Variants in SIGLEC8 observed in about 807,000 individuals in gnomAD.
The protein encoded by SIGLEC8 is sialic acid-binding Ig-like lectin 8.
In SIGLEC8, 32 loss-of-function variants were observed where a neutral mutation model predicts 42.1. That is an observed-to-expected ratio of 0.76 (90% CI 0.57 to 1.02). SIGLEC8 has a LOEUF of 1.02. SIGLEC8 is among the 50% of genes least tolerant of loss of function. The pLI is 0.00. For missense variants in SIGLEC8, 611 were observed against 610.2 expected (o/e 1.00, Z -0.01); for synonymous variants, 262 against 260.3 (o/e 1.01, Z -0.06).
Position 51,454,220 on chromosome 19 carries a change from TG to T in SIGLEC8, c.1243del (p.Gln415ArgfsTer4). 1 of 1,614,094 alleles carries T rather than the reference TG, an allele frequency of 6.2e-7. No homozygotes were observed. Among genetic ancestry groups the T allele is most frequent in the Non-Finnish European group, 8.5e-7 (1 of 1,179,958 alleles). ...TGTGGAGAAGCCCACATCACTCACC[TG>T]AGAGGCCGAGCCCCTGATGGCCTTT... is the stretch of plus-strand genomic sequence containing the variant. ...DAKAIRGSASQGPLTESWKDG... is the reference protein window; with the variant it reads ...DAKAIRGSASXGPLTESWKDG... On this transcript the variant is annotated frameshift_variant and splice_region_variant, in exon 6 of 7. Coordinates refer to ENST00000321424, the MANE Select transcript of SIGLEC8 (RefSeq NM_014442.3). LOFTEE classifies it low-confidence loss of function (END_TRUNC). The surrounding 1 kb of genome is among the most constrained non-coding windows in gnomAD (Gnocchi z 4.7).
Position 51,457,705 on chromosome 19 carries a change from C to T in SIGLEC8, c.489G>A (p.Gly163=). The part of the protein sequence containing the change: ...LTHRPDILIL[G]TLESGHSRNL... The stretch of plus-strand genomic sequence containing the variant: ...TCCTGGAGTGGCCAGACTCTAGGGT[C>T]CCTAGGATGAGGATGTCAGGCCTAT... Residue 163 remains glycine (G), a synonymous_variant, in exon 2 of 7, where the codon GGG becomes GGA. Coordinates refer to ENST00000321424, the MANE Select transcript of SIGLEC8 (RefSeq NM_014442.3). 6.3e-7 allele frequency: 1 copy of T among 1,596,076 alleles called. No individual in the cohort carries two copies. The highest frequency in any genetic ancestry group is 8.5e-7 in the Non-Finnish European group (1 of 1,172,160).
intron 3 of SIGLEC8, 65 bp downstream of exon 3, chr19:51,457,119 G>T: frequency 7.1e-7 from 1 of 1,407,968 alleles, no homozygotes; most frequent in Non-Finnish European, 1.0e-6. Context: ...GATGAGGAGA[G>T]ACCCAGCCCC....
At position 51,452,449 on chromosome 19, in the gene SIGLEC8, T is replaced by G; in HGVS notation, c.1430A>C (p.Lys477Thr). The G allele has an allele frequency of 1.2e-6, 2 of 1,613,096 alleles. No homozygotes were observed. The highest frequency in any genetic ancestry group is 1.7e-6 in the Non-Finnish European group (2 of 1,179,080). The change falls in exon 7 of 7, where the codon AAG (lysine) becomes ACG (threonine). Residue 477 changes from lysine to threonine, a missense_variant. By Grantham distance (78) the Lys-to-Thr change is moderately conservative (BLOSUM62 -1). Coordinates refer to ENST00000321424, the MANE Select transcript of SIGLEC8 (RefSeq NM_014442.3). ...DSEYSEIKIH[K>T]RETAETQACL... ...GGCCTGAGTCTCTGCAGTTTCTCGC[T>G]TGTGGATCTTGATCTCCGAGTATTC...
intron 2 of SIGLEC8, 83 bp downstream of exon 2, chr19:51,457,378 T>G: frequency 6.5e-7 from 1 of 1,539,708 alleles, no homozygotes; most frequent in Non-Finnish European, 8.9e-7. Flanking sequence ...CAGAACCCAG[T>G]GTCCAGGCTT....
Position 51,454,587 on chromosome 19 carries a change from G to T in SIGLEC8, c.1148+97C>A. The T allele has an allele frequency of 8.5e-7, 1 of 1,177,868 alleles. No individual in the cohort carries two copies. The highest frequency in any genetic ancestry group is 2.3e-5 in the East Asian group (1 of 42,602). The allele number at this position is 1,177,868 out of a possible 1,614,324, so 73.0% of individuals were successfully genotyped here. A position where few individuals can be genotyped will look rare whatever the true frequency, so the allele number is the denominator to read the frequency against. ...TGAGCTCATTCTTGCCCCAAGCCCTGGACCCATCCAGGTCCTTCCAGCTCT... is the reference window on the plus strand; with the variant it reads ...TGAGCTCATTCTTGCCCCAAGCCCTTGACCCATCCAGGTCCTTCCAGCTCT... On this transcript the variant is annotated intron_variant, in intron 5 of 6. Transcript: ENST00000321424. This position sits in a 1 kb window ranked among gnomAD's most constrained non-coding sequence, Gnocchi z 4.7.
intron 6 of SIGLEC8, among the ~76,000 whole-genome samples, chr19:51,452,909 G>A (rs1989400002): frequency 6.6e-6 from 1 of 152,070 alleles, no homozygotes; most frequent in African/African-American, 2.4e-5. Context: ...AGTCAGCACT[G>A]CGCCCAAAGT....
rs547355750 is a variant in SIGLEC8, at chr19:51,454,632, C to G, written c.1148+52G>C. 4 of 1,462,796 alleles carry G rather than the reference C, an allele frequency of 2.7e-6. No homozygotes were observed. Among genetic ancestry groups the G allele is most frequent in the Non-Finnish European group, 3.8e-6 (4 of 1,043,288 alleles). 90.6% of individuals were successfully genotyped at this position (1,462,796 alleles called of 1,614,324 possible). A position where few individuals can be genotyped will look rare whatever the true frequency, so the allele number is the denominator to read the frequency against. On this transcript the variant is annotated intron_variant, in intron 5 of 6. Transcript: ENST00000321424. This position sits in a 1 kb window ranked among gnomAD's most constrained non-coding sequence, Gnocchi z 4.7. ...AGCTCTGGCTTCAGGGATTCTGTTC[C>G]CGGTCTGCCCTGCCCCAGGTCTCTC...
Position 51,452,414 on chromosome 19 carries a change from T to G in SIGLEC8, c.1465A>C (p.Asn489His). The change falls in exon 7 of 7, where the codon AAT becomes CAT. Residue 489 changes from asparagine to histidine, a missense_variant. By Grantham distance (68) the Asn-to-His change is moderately conservative (BLOSUM62 1). Coordinates refer to ENST00000321424, the MANE Select transcript of SIGLEC8 (RefSeq NM_014442.3). ...ACTTCTTTGCTGGAGGGGTTGTGAT[T>G]CCTCAAACAGGCCTGAGTCTCTGCA... Reference protein sequence around the residue: ...ETAETQACLRNHNPSSKEVRG With the variant: ...ETAETQACLRHHNPSSKEVRG 1 of 1,608,698 alleles carries G rather than the reference T, an allele frequency of 6.2e-7. No individual in the cohort carries two copies. The highest frequency in any genetic ancestry group is 8.5e-7 in the Non-Finnish European group (1 of 1,175,504).
At position 51,455,471 on chromosome 19, in the gene SIGLEC8, G is replaced by A. The variant is rs778048486; in HGVS notation, c.998C>T (p.Ala333Val). ...CAGGGAAATGTGCTGGGAGCCCTGA[G>A]CGTTCTGAGCTCGGCAGGTGAATTC... ...EGEFTCRAQN[A>V]QGSQHISLSL... is the part of the protein sequence containing the mutation. The change falls in exon 4 of 7, where the codon GCT (alanine) becomes GTT (valine). Residue 333 changes from alanine to valine, a missense_variant. Coordinates refer to ENST00000321424, the MANE Select transcript of SIGLEC8 (RefSeq NM_014442.3). 4.3e-6 allele frequency: 7 copies of A among 1,614,060 alleles called. No homozygotes were observed. The East Asian group carries it at 1.3e-4, about 31-fold the overall frequency.
chr19:51,454,111 G>A lies in SIGLEC8; in HGVS notation c.1245+108C>T. On this transcript the variant is annotated intron_variant, in intron 6 of 6. Coordinates refer to ENST00000321424, the MANE Select transcript of SIGLEC8 (RefSeq NM_014442.3). This position sits in a 1 kb window ranked among gnomAD's most constrained non-coding sequence, Gnocchi z 4.7. Reference sequence around the variant, plus strand: ...AGAAGCCGGCCTGTGGGAAGGAGGAGGAGACGAGGAAGTGACTTTGGCCAT... The same window carrying A: ...AGAAGCCGGCCTGTGGGAAGGAGGAAGAGACGAGGAAGTGACTTTGGCCAT... 6.5e-7 allele frequency: 1 copy of A among 1,539,186 alleles called. No individual in the cohort carries two copies. The highest frequency in any genetic ancestry group is 1.4e-5 in the African/African-American group (1 of 72,444).
chr19:51,457,140 G>A (rs1379439129), intron 3 of SIGLEC8, 44 bp downstream of exon 3: 1 of 1,557,698 alleles, frequency 6.4e-7, no homozygotes, highest in Non-Finnish European at 8.9e-7. Context: ...ATCCTGAGCT[G>A]AAGGCCCTGC....
At chr19:51,457,836 T>G in intron 1 of SIGLEC8, 97 bp from the exon 2 acceptor site, 1 of 1,549,292 alleles carries the variant, frequency 6.5e-7, no homozygotes, top group Middle Eastern at 1.7e-4. Context: ...GGAGACCGAC[T>G]TATTTCAATC....
In SIGLEC8 at chr19:51,452,344, GC is replaced by G. The variant is rs774378522; in HGVS notation, c.*34del. 6.4e-7 allele frequency: 1 copy of G among 1,551,342 alleles called. No homozygotes were observed. Among genetic ancestry groups the G allele is most frequent in the Admixed American group, 1.8e-5 (1 of 56,902 alleles). On this transcript the variant is annotated 3_prime_UTR_variant, in exon 7 of 7. Coordinates refer to ENST00000321424, the MANE Select transcript of SIGLEC8 (RefSeq NM_014442.3). ...GGGAGCCCTGGTGACCTACTGCATA[GC>G]ATGGGGCTCTAGAGGGTTCTTGTTC...
intron 3 of SIGLEC8, among the ~76,000 whole-genome samples, chr19:51,456,081 G>C (rs989938636): frequency 4.5e-5 from 6 of 134,592 alleles, no homozygotes; most frequent in South Asian, 2.8e-4. Context: ...GTTGTGGGGT[G>C]GGGGGAGGGA....
At position 51,457,716 on chromosome 19, in the gene SIGLEC8, G is replaced by T. The variant is rs748257768; in HGVS notation, c.478C>A (p.Leu160Ile). 11 of 1,590,444 alleles carry T rather than the reference G, an allele frequency of 6.9e-6. No homozygotes were observed. Among genetic ancestry groups the T allele is most frequent in the Non-Finnish European group, 9.4e-6 (11 of 1,169,772 alleles). Residue 160 changes from leucine (L) to isoleucine (I), a missense_variant, in exon 2 of 7, where the codon CTC becomes ATC. Coordinates refer to ENST00000321424, the MANE Select transcript of SIGLEC8 (RefSeq NM_014442.3). ...CCAGACTCTAGGGTCCCTAGGATGA[G>T]GATGTCAGGCCTATGGGTCAGGGCT... ...VTALTHRPDI[L>I]ILGTLESGHS...
Position 51,454,034 on chromosome 19 carries a change from A to T in SIGLEC8, c.1245+185T>A. ...ACTCCTACTCAGTGCCTGGCCTGGG[A>T]AAAATTGGGGGTAGGGACTGCCATG... On this transcript the variant is annotated intron_variant, in intron 6 of 6. Coordinates refer to ENST00000321424, the MANE Select transcript of SIGLEC8 (RefSeq NM_014442.3). The surrounding 1 kb of genome is among the most constrained non-coding windows in gnomAD (Gnocchi z 4.7). 1.0e-6 allele frequency: 1 copy of T among 985,316 alleles called. No homozygotes were observed. 61.0% of individuals were successfully genotyped at this position (985,316 alleles called of 1,614,324 possible). A position where few individuals can be genotyped will look rare whatever the true frequency, so the allele number is the denominator to read the frequency against.
In SIGLEC8 at chr19:51,451,125, C is replaced by A. The variant is rs1230841789; in HGVS notation, c.*1254G>T. On this transcript the variant is annotated 3_prime_UTR_variant, in exon 7 of 7. Transcript: ENST00000321424. ...CATGGTGGCAGGCAAGAGAGAAGAG[C>A]AGGGGAAACCACCACTTACAAAACC... 6.6e-6 allele frequency: 1 copy of A among 152,022 alleles called. No individual in the cohort carries two copies. The highest frequency in any genetic ancestry group is 1.5e-5 in the Non-Finnish European group (1 of 68,018). The allele number at this position is 152,022 out of a possible 1,614,324, so 9.4% of individuals were successfully genotyped here.
rs1989484269 is a variant in SIGLEC8 at position 51,456,033 on chromosome 19, C to T, written c.782-346G>A. On this transcript the variant is annotated intron_variant, in intron 3 of 6. Transcript: ENST00000321424. Reference sequence around the variant, plus strand: ...AAGTGGGAACTGAACAATGAGAACACATGGACACAGGAAGGGGAACATCAC... The same window carrying T: ...AAGTGGGAACTGAACAATGAGAACATATGGACACAGGAAGGGGAACATCAC... 3.5e-5 allele frequency among the ~76,000 whole-genome samples: 5 copies of T among 143,564 alleles called. No homozygotes were observed. In the South Asian group the frequency reaches 1.1e-3, roughly 31 times the overall value. The allele number at this position is 143,564 out of a possible 152,430, so 94.2% of individuals were successfully genotyped here. A position where few individuals can be genotyped will look rare whatever the true frequency, so the allele number is the denominator to read the frequency against.
chr19:51,456,152 G>A (rs1165220495), intron 3 of SIGLEC8, among the ~76,000 whole-genome samples: 1 of 151,856 alleles, frequency 6.6e-6, no homozygotes, highest in African/African-American at 2.4e-5. Flanking sequence ...ACACCAACAT[G>A]GCACATGTAT....
Sources: allele counts gnomAD v4.1 joint callset (sites outside exome capture counted in the v4.1 genomes callset), GRCh38; gene constraint gnomAD v4.1.1; non-coding constraint Gnocchi (gnomAD v3.1); transcripts MANE v1.5; gene names NCBI Gene and HGNC (gene_info 2026-07-23, HGNC 2026-07-21).